PCDHA8: variants seen among roughly 807,000 people sequenced by gnomAD.
PCDHA8 encodes protocadherin alpha 8.
Under a neutral mutation model 61.8 loss-of-function variants are expected in PCDHA8, and 53 were observed. The observed-to-expected ratio is 0.86, with a 90% confidence interval of 0.69 to 1.08. The LOEUF is 1.08. PCDHA8 is among the 50% of genes least tolerant of loss of function. The pLI is 0.00. For missense variants in PCDHA8, 1,293 were observed against 1,245.0 expected, an observed-to-expected ratio of 1.04 and a Z score of -0.58; for synonymous variants, 618 against 556.6, an observed-to-expected ratio of 1.11 and a Z score of -1.55.
intron 1 of PCDHA8, among the ~76,000 whole-genome samples, chr5:140,965,456 G>A (rs2095902676): frequency 6.6e-6 from 1 of 151,710 alleles, no homozygotes; most frequent in Admixed American, 6.6e-5. Context: ...GTTATTGTAA[G>A]ATAAATCCCA....
At chr5:140,916,264 A>G (rs1455161672) in intron 1 of PCDHA8, among the ~76,000 whole-genome samples, 1 of 152,200 alleles carries the variant, frequency 6.6e-6, no homozygotes, top group East Asian at 1.9e-4. Flanking sequence ...CCCCAAGAGC[A>G]TGCTTGTTGC....
In PCDHA8 at chr5:140,849,923, G is replaced by T. The variant is rs145904051; in HGVS notation, c.2394+6208G>T. 160 of 1,598,322 alleles carry T rather than the reference G, an allele frequency of 1.0e-4. 9 individuals carry two copies. The African/African-American group carries it at 1.2e-3, about 12-fold the overall frequency. On this transcript the variant is annotated intron_variant, in intron 1 of 3. Transcript: ENST00000531613. ...ACCCGCCGGGCTGCCACATCTTCAC[G>T]GTGTCTGCGCGGGACGCTGACGCGC...
At chr5:140,877,225 G>A in intron 1 of PCDHA8, 1 of 1,613,746 alleles carries the variant, frequency 6.2e-7, no homozygotes. Context: ...ACCGCGGTCG[G>A]TGGGTGCGGG....
In PCDHA8 at chr5:140,849,498, A is replaced by T. The variant is rs1347480492; in HGVS notation, c.2394+5783A>T. On this transcript the variant is annotated intron_variant, in intron 1 of 3. Transcript: ENST00000531613. Reference sequence around the variant, plus strand: ...CTTCCCACCCCTGGCTGGTCATTGTACACTTCTTGTGGAAGTTGTGGATGT... The same window carrying T: ...CTTCCCACCCCTGGCTGGTCATTGTTCACTTCTTGTGGAAGTTGTGGATGT... 6.9e-6 allele frequency: 11 copies of T among 1,593,514 alleles called. 1 individual carries two copies. The highest frequency in any genetic ancestry group is 9.4e-6 in the Non-Finnish European group (11 of 1,165,148).
At chr5:140,868,633 C>T (rs1554162141) in intron 1 of PCDHA8, 1 of 154,552 alleles carries the variant, frequency 6.5e-6, no homozygotes, top group Non-Finnish European at 1.4e-5. Flanking sequence ...AATTCTCTTT[C>T]TCTCTCACTC....
At chr5:140,928,752 T>C (rs781823494) in intron 1 of PCDHA8, 3 of 1,614,208 alleles carry the variant, frequency 1.9e-6, no homozygotes, top group Non-Finnish European at 2.5e-6. Context: ...AGCTCCGTAC[T>C]GCTCGCTTAG....
intron 1 of PCDHA8, among the ~76,000 whole-genome samples, chr5:140,855,354 G>T (rs1250277544): frequency 6.7e-6 from 1 of 149,904 alleles, no homozygotes; most frequent in Non-Finnish European, 1.5e-5. Context: ...AAGTCATGTG[G>T]CTAGTGAGTA....
At chr5:140,934,029 T>A (rs1267400545) in intron 1 of PCDHA8, among the ~76,000 whole-genome samples, 1 of 152,114 alleles carries the variant, frequency 6.6e-6, no homozygotes, top group Admixed American at 6.5e-5. Flanking sequence ...GGAAGTAGTT[T>A]ATTAATGATA....
chr5:140,920,612 G>A (rs1389841013), intron 1 of PCDHA8, among the ~76,000 whole-genome samples: 3 of 152,092 alleles, frequency 2.0e-5, no homozygotes, highest in Non-Finnish European at 2.9e-5. Flanking sequence ...TTGGGAGGCC[G>A]AGGCGGATGG....
chr5:141,006,350 T>G (rs1254086807), intron 3 of PCDHA8, among the ~76,000 whole-genome samples: 2 of 152,086 alleles, frequency 1.3e-5, no homozygotes, highest in Non-Finnish European at 2.9e-5. Flanking sequence ...TAGCTGGGAC[T>G]ATAGGCGCCC....
chr5:140,946,631 T>TAC (rs374022482), intron 1 of PCDHA8, among the ~76,000 whole-genome samples: 8 of 131,856 alleles, frequency 6.1e-5, no homozygotes, highest in African/African-American at 1.7e-4. Context: ...TATATATATA[T>TAC]ACAATGGAAT....
chr5:140,862,892 CTT>C (rs1554157185), intron 1 of PCDHA8: 2 of 562,274 alleles, frequency 3.6e-6, no homozygotes, highest in South Asian at 1.4e-5. Flanking sequence ...GGAACGACAA[CTT>C]TGTCTGCGCT....
chr5:140,871,522 A>T, intron 1 of PCDHA8: 1 of 1,549,186 alleles, frequency 6.5e-7, no homozygotes, highest in Non-Finnish European at 8.7e-7. Flanking sequence ...TCCACCTATC[A>T]GGAAGTGTAT....
chr5:140,928,276 GC>G, intron 1 of PCDHA8: 1 of 1,614,172 alleles, frequency 6.2e-7, no homozygotes. Flanking sequence ...TGGCCCTGGG[GC>G]CTCTCTAGGC....
At chr5:140,918,548 A>G (rs1360159345) in intron 1 of PCDHA8, among the ~76,000 whole-genome samples, 3 of 152,192 alleles carry the variant, frequency 2.0e-5, no homozygotes, top group Non-Finnish European at 4.4e-5. Context: ...TCCATGTGCA[A>G]TTGAGAAGAA....
intron 1 of PCDHA8, chr5:140,927,289 A>G: frequency 6.2e-7 from 1 of 1,614,172 alleles, no homozygotes; most frequent in Non-Finnish European, 8.5e-7. Flanking sequence ...GCAGCTGCAC[A>G]TCCCCGAGTT....
At position 140,862,713 on chromosome 5, in the gene PCDHA8, C is replaced by A. The variant is rs573467283; in HGVS notation, c.2394+18998C>A. 517 of 561,852 alleles carry A rather than the reference C, an allele frequency of 9.2e-4. 1 individual carries two copies. The highest frequency in any genetic ancestry group is 1.7e-3 in the Non-Finnish European group (476 of 284,834). 34.8% of individuals were successfully genotyped at this position (561,852 alleles called of 1,614,324 possible). ...ACTCGTTGATGGAACAGCGGGTGGG[C>A]GAGTGCGCGCTGTCTAGCTATGTGT... On this transcript the variant is annotated intron_variant, in intron 1 of 3. Transcript: ENST00000531613.
intron 3 of PCDHA8, among the ~76,000 whole-genome samples, chr5:140,985,060 C>A (rs1377386395): frequency 6.6e-6 from 1 of 152,066 alleles, no homozygotes; most frequent in Admixed American, 6.5e-5. Flanking sequence ...GCCTCAGCCT[C>A]CTGAGTAGCT....
intron 1 of PCDHA8, chr5:140,850,381 G>C (rs2041568642): frequency 2.5e-6 from 4 of 1,597,894 alleles, no homozygotes; most frequent in Non-Finnish European, 3.4e-6. Flanking sequence ...CTGTACACGG[G>C]CGAGATCAGC....
Sources: allele counts gnomAD v4.1 joint callset (sites outside exome capture counted in the v4.1 genomes callset), GRCh38; gene constraint gnomAD v4.1.1; transcripts MANE v1.5; gene names NCBI Gene and HGNC (gene_info 2026-07-23, HGNC 2026-07-21).